The following PARP6 variants were observed in gnomAD, a reference collection of about 807,000 sequenced individuals.
PARP6 encodes protein mono-ADP-ribosyltransferase PARP6.
PARP6 carries 27 observed loss-of-function variants against 92.0 expected under a neutral mutation model. The observed-to-expected ratio is 0.29, with a 90% CI of 0.22 to 0.40. The LOEUF (loss-of-function observed/expected upper bound fraction) is 0.40, where lower values mean the gene tolerates loss of function less well. Among genes scored for constraint, PARP6 ranks in the 10% least tolerant of loss-of-function variants. The pLI is 1.00. For missense variants in PARP6, 501 were observed against 784.5 expected (o/e 0.64, Z 4.32); for synonymous variants, 272 against 281.2 (o/e 0.97, Z 0.33).
chr15:72,241,249 G>C lies in PARP6; in HGVS notation c.*206C>G, dbSNP rs767284438. 2.9e-6 allele frequency: 2 copies of C among 680,852 alleles called. No individual in the cohort carries two copies. Among genetic ancestry groups the C allele is most frequent in the Non-Finnish European group, 5.4e-6 (2 of 370,604 alleles). The allele number at this position is 680,852 out of a possible 1,614,324, so 42.2% of individuals were successfully genotyped here. ...AGGGTGAAGTCAAAGGGAAAGTCAG[G>C]GGATGGAGTCAGTCTGGGCCATCCG... is the stretch of plus-strand genomic sequence containing the variant. On this transcript the variant is annotated 3_prime_UTR_variant, in exon 24 of 24. Transcript: ENST00000569795. The surrounding 1 kb of genome is among the most constrained non-coding windows in gnomAD (Gnocchi z 4.1).
Sources: allele counts gnomAD v4.1 joint callset, GRCh38; gene constraint gnomAD v4.1.1; non-coding constraint Gnocchi (gnomAD v3.1); transcripts MANE v1.5; gene names NCBI Gene and HGNC (gene_info 2026-07-23, HGNC 2026-07-21).